CR1L: variants seen among roughly 807,000 people sequenced by gnomAD.
CR1L encodes complement component receptor 1-like protein.
A neutral mutation model predicts 62.3 loss-of-function variants in CR1L; 59 were observed. That is an observed-to-expected ratio of 0.95 (90% CI 0.77 to 1.18). CR1L has a LOEUF of 1.18. Among genes scored for constraint, CR1L ranks in the 50% most tolerant of loss-of-function variants. The pLI, the probability that CR1L is intolerant of heterozygous loss-of-function variation, is 0.00. For missense variants in CR1L, 700 were observed against 702.8 expected (o/e 1.00, Z 0.04); for synonymous variants, 279 against 248.7 (o/e 1.12, Z -1.15).
Position 207,694,465 on chromosome 1 carries a change from A to T in CR1L, c.576A>T (p.Arg192Ser). The T allele has an allele frequency of 6.2e-7, 1 of 1,613,892 alleles. No homozygotes were observed. ...VVTYHCNLGSRGKKVFELVGE... is the reference protein window; with the variant it reads ...VVTYHCNLGSSGKKVFELVGE... The stretch of plus-strand genomic sequence containing the variant: ...CCTACCACTGCAATCTTGGAAGCAG[A>T]GGGAAAAAGGTGTTTGAGCTTGTGG... The change falls in exon 5 of 12, where the codon AGA becomes AGT. Residue 192 changes from arginine (R) to serine (S), a missense_variant. Coordinates refer to ENST00000508064, the MANE Select transcript of CR1L (RefSeq NM_175710.2).
intron 4 of CR1L, among the ~76,000 whole-genome samples, chr1:207,691,562 A>C (rs1278348920): frequency 1.3e-5 from 2 of 152,040 alleles, no homozygotes; most frequent in African/African-American, 4.8e-5. Context: ...TATTTGTTTC[A>C]TGTGTTTGTG....
chr1:207,710,665 C>T, intron 10 of CR1L: 1 of 1,610,034 alleles, frequency 6.2e-7, no homozygotes, highest in East Asian at 2.2e-5. Context: ...GCTTATTTTC[C>T]TTAAATGAAG....
intron 1 of CR1L, among the ~76,000 whole-genome samples, chr1:207,654,984 C>T (rs940995015): frequency 6.6e-6 from 1 of 152,160 alleles, no homozygotes; most frequent in African/African-American, 2.4e-5. Flanking sequence ...TTTTTGCTCT[C>T]GGCCAATATA....
intron 1 of CR1L, among the ~76,000 whole-genome samples, chr1:207,665,811 G>A (rs879723284): frequency 3.9e-5 from 6 of 152,194 alleles, no homozygotes; most frequent in Non-Finnish European, 7.3e-5. Flanking sequence ...AGAAACACAC[G>A]TAGCCTTTGG....
At chr1:207,649,774 A>G (rs967335258) in intron 1 of CR1L, among the ~76,000 whole-genome samples, 9 of 152,192 alleles carry the variant, frequency 5.9e-5, no homozygotes, top group African/African-American at 2.2e-4. Context: ...AGGTCATTGG[A>G]GAGCCATCGA....
In CR1L at chr1:207,694,621, CAGA is replaced by C. The variant is rs747979359; in HGVS notation, c.735_737del (p.Arg245del). 49 of 1,611,774 alleles carry C rather than the reference CAGA, an allele frequency of 3.0e-5. No individual in the cohort carries two copies. In the Admixed American group the frequency reaches 8.0e-4, roughly 26 times the overall value. ...AAAATGGAATATTGGTATCTGACAACAGAAGCTTATTTTCCTTAAATGAAGTTG... is the reference window on the plus strand; with the variant it reads ...AAAATGGAATATTGGTATCTGACAACAGCTTATTTTCCTTAAATGAAGTTG... On this transcript the variant is annotated inframe_deletion, in exon 5 of 12. Coordinates refer to ENST00000508064, the MANE Select transcript of CR1L (RefSeq NM_175710.2).
At position 207,723,682 on chromosome 1, in the gene CR1L, T is replaced by G; in HGVS notation, c.1707T>G (p.Leu569=). The stretch of plus-strand genomic sequence containing the variant: ...TGTTTGCTGAGGAATTCTGTCATCT[T>G]TAACAGTAAGTACCTACTTATAATG... ...YEVFAEEFCH[L] The change falls in exon 12 of 12, where the codon CTT becomes CTG. Residue 569 remains leucine (L), a synonymous_variant. Coordinates refer to ENST00000508064, the MANE Select transcript of CR1L (RefSeq NM_175710.2). 6.3e-7 allele frequency: 1 copy of G among 1,576,178 alleles called. No homozygotes were observed. The highest frequency in any genetic ancestry group is 1.1e-5 in the South Asian group (1 of 87,372).
chr1:207,645,421 A>G, intron 1 of CR1L, 91 bp downstream of exon 1: 13 of 1,391,364 alleles, frequency 9.3e-6, no homozygotes, highest in African/African-American at 1.4e-5. Flanking sequence ...AGCTCACTGC[A>G]CGTCGTGCCT....
rs1359759036 is a variant in CR1L, at chr1:207,648,915, A to G, written c.97+3585A>G. Among the ~76,000 whole-genome samples, 3 of 152,228 alleles carry G rather than the reference A, an allele frequency of 2.0e-5. No homozygotes were observed. The South Asian group carries it at 6.2e-4, about 31-fold the overall frequency. ...TTTTCAATATGAAATTGATTACAAT[A>G]TATTCTTCACATTGTTTTGTGTTTG... is the stretch of plus-strand genomic sequence containing the variant. On this transcript the variant is annotated intron_variant, in intron 1 of 11. Coordinates refer to ENST00000508064, the MANE Select transcript of CR1L (RefSeq NM_175710.2).
chr1:207,652,393 T>C (rs1340108119), intron 1 of CR1L, among the ~76,000 whole-genome samples: 3 of 152,246 alleles, frequency 2.0e-5, no homozygotes, highest in African/African-American at 7.2e-5. Context: ...CCTCCACTAC[T>C]ACCAGCACTC....
rs1322661671 is a variant in CR1L, at chr1:207,705,465, T to A, written c.1329-2713T>A. ...GCACACAGTGGAGGCTCTGCCTCAA[T>A]CTCACTCTTCACGGGAACAGCTAAG... is the stretch of plus-strand genomic sequence containing the variant. On this transcript the variant is annotated intron_variant, in intron 9 of 11. Coordinates refer to ENST00000508064, the MANE Select transcript of CR1L (RefSeq NM_175710.2). Among the ~76,000 whole-genome samples, 4 of 152,196 alleles carry A rather than the reference T, an allele frequency of 2.6e-5. No homozygotes were observed. The East Asian group carries it at 7.7e-4, about 29-fold the overall frequency.
At chr1:207,678,151 A>G (rs77643396) in intron 2 of CR1L, 47 bp from the exon 3 acceptor site, 1 of 1,570,330 alleles carries the variant, frequency 6.4e-7, no homozygotes, top group East Asian at 2.2e-5. Flanking sequence ...CTAAAAAAAA[A>G]TTCAGTTTAC....
Position 207,678,372 on chromosome 1 carries a change from T to C in CR1L, c.377+75T>C, listed in dbSNP as rs1041076177. The C allele has an allele frequency of 3.8e-6, 5 of 1,308,726 alleles. No homozygotes were observed. The African/African-American group carries it at 7.4e-5, about 19-fold the overall frequency. The allele number at this position is 1,308,726 out of a possible 1,614,324, so 81.1% of individuals were successfully genotyped here. ...ACAGCCATACTACCTTCTAGTCACA[T>C]CTCAGAAAGGACAACTAAACTATTA... On this transcript the variant is annotated intron_variant, in intron 3 of 11. Transcript: ENST00000508064.
chr1:207,649,472 G>C (rs1240432982), intron 1 of CR1L, among the ~76,000 whole-genome samples: 1 of 152,212 alleles, frequency 6.6e-6, no homozygotes, highest in African/African-American at 2.4e-5. Flanking sequence ...GTTTGACTTA[G>C]CACAACGTGA....
At chr1:207,714,653 T>G (rs1044425776) in intron 10 of CR1L, among the ~76,000 whole-genome samples, 2 of 152,172 alleles carry the variant, frequency 1.3e-5, no homozygotes, top group Non-Finnish European at 2.9e-5. Flanking sequence ...TTCCAAGGAT[T>G]CTTTGGCATT....
At chr1:207,670,959 A>T (rs921514317) in intron 1 of CR1L, among the ~76,000 whole-genome samples, 5 of 151,114 alleles carry the variant, frequency 3.3e-5, no homozygotes, top group Non-Finnish European at 4.4e-5. Flanking sequence ...TTTGGAATTT[A>T]AAAGAAATGT....
intron 1 of CR1L, among the ~76,000 whole-genome samples, chr1:207,666,089 A>G (rs1204250853): frequency 1.3e-5 from 2 of 152,192 alleles, no homozygotes; most frequent in African/African-American, 4.8e-5. Context: ...TATCTGCTAC[A>G]TTATCTACTC....
intron 4 of CR1L, 70 bp downstream of exon 4, chr1:207,684,027 C>G: frequency 4.9e-6 from 7 of 1,442,262 alleles, no homozygotes; most frequent in Non-Finnish European, 6.7e-6. Flanking sequence ...TAATAAAAAT[C>G]TTAACCGAAT....
chr1:207,697,997 AT>A, intron 7 of CR1L, 124 bp downstream of exon 7: 2 of 1,249,090 alleles, frequency 1.6e-6, no homozygotes, highest in Non-Finnish European at 2.2e-6. Context: ...CACACACACA[AT>A]CAGAGAGATG....
Sources: allele counts gnomAD v4.1 joint callset (sites outside exome capture counted in the v4.1 genomes callset), GRCh38; gene constraint gnomAD v4.1.1; transcripts MANE v1.5; gene names NCBI Gene and HGNC (gene_info 2026-07-23, HGNC 2026-07-21).